The following EML4 variants were observed in gnomAD, a reference collection of about 807,000 sequenced individuals.
EML4 encodes the protein echinoderm microtubule-associated protein-like 4.
EML4 carries 72 observed loss-of-function variants against 129.0 expected under a neutral mutation model. The observed-to-expected ratio is 0.56, with a 90% confidence interval of 0.46 to 0.68. The LOEUF (loss-of-function observed/expected upper bound fraction) is 0.68. Ranked by LOEUF, EML4 falls within the 30% of genes least tolerant of loss-of-function variation. The pLI, the probability that EML4 is intolerant of heterozygous loss-of-function variation, is 0.00. For missense variants in EML4, 1,363 were observed against 1,190.6 expected, an observed-to-expected ratio of 1.14 and a Z score of -2.13; for synonymous variants, 532 against 405.0, an observed-to-expected ratio of 1.31 and a Z score of -3.77.
chr2:42,323,718 C>T (rs956834257), intron 19 of EML4, among the ~76,000 whole-genome samples: 3 of 148,874 alleles, frequency 2.0e-5, no homozygotes, highest in African/African-American at 7.4e-5. Flanking sequence ...TGGATAACTT[C>T]AGGTCAGGAA....
intron 2 of EML4, among the ~76,000 whole-genome samples, chr2:42,254,052 CAT>C (rs1166238257): frequency 1.3e-5 from 2 of 152,196 alleles, no homozygotes; most frequent in African/African-American, 2.4e-5. Flanking sequence ...TTGAAGAACT[CAT>C]ATGCCTCAGT....
At chr2:42,187,889 T>C (rs927590041) in intron 1 of EML4, among the ~76,000 whole-genome samples, 10 of 152,204 alleles carry the variant, frequency 6.6e-5, no homozygotes, top group African/African-American at 2.2e-4. Context: ...TTTTGTAGTT[T>C]ATACTTTTTG....
At chr2:42,180,478 G>A (rs1376985647) in intron 1 of EML4, among the ~76,000 whole-genome samples, 1 of 152,134 alleles carries the variant, frequency 6.6e-6, no homozygotes, top group Non-Finnish European at 1.5e-5. Flanking sequence ...GTGCTAAGTG[G>A]TGTGCCAGGT....
chr2:42,179,721 G>C (rs1040602511), intron 1 of EML4, among the ~76,000 whole-genome samples: 6 of 152,184 alleles, frequency 3.9e-5, no homozygotes, highest in African/African-American at 1.4e-4. Context: ...TCCTGCCTCA[G>C]CCTCCCGAGT....
At chr2:42,324,469 A>G (rs1669683802) in intron 19 of EML4, among the ~76,000 whole-genome samples, 1 of 152,112 alleles carries the variant, frequency 6.6e-6, no homozygotes, top group Non-Finnish European at 1.5e-5. Context: ...TACAAAAATT[A>G]GCTGGGAGTG....
In EML4 at chr2:42,328,951, G is replaced by T; in HGVS notation, c.2407G>T (p.Val803Leu). 1 of 1,613,612 alleles carries T rather than the reference G, an allele frequency of 6.2e-7. No homozygotes were observed. Among genetic ancestry groups the T allele is most frequent in the Non-Finnish European group, 8.5e-7 (1 of 1,179,896 alleles). ...ACTGGTGCGATCCCACAATAGAAAG[G>T]TGATAGCTGTTGCCGATGACTTTTG... ...NALVRSHNRK[V>L]IAVADDFCKV... The change falls in exon 22 of 23, where the codon GTG (valine) becomes TTG (leucine). Residue 803 changes from valine (V) to leucine (L), a missense_variant. Transcript: ENST00000318522.
chr2:42,271,712 T>C (rs1024618162), intron 6 of EML4, among the ~76,000 whole-genome samples: 1 of 150,380 alleles, frequency 6.6e-6, no homozygotes, highest in African/African-American at 2.5e-5. Flanking sequence ...ACACATACTT[T>C]TTAAAAAAAT....
intron 2 of EML4, among the ~76,000 whole-genome samples, chr2:42,255,268 G>A (rs761908848): frequency 1.3e-5 from 2 of 151,750 alleles, no homozygotes; most frequent in Non-Finnish European, 1.5e-5. Context: ...TGTATTTTTA[G>A]TAGATACAGG....
intron 1 of EML4, among the ~76,000 whole-genome samples, chr2:42,176,983 G>A (rs959013346): frequency 2.6e-5 from 4 of 151,900 alleles, no homozygotes; most frequent in South Asian, 2.1e-4. Context: ...TAGTAGAGAC[G>A]GGTTTCACCA....
chr2:42,288,283 A>G lies in EML4; in HGVS notation c.1179A>G (p.Val393=), dbSNP rs148340471. The G allele has an allele frequency of 1.9e-6, 3 of 1,577,456 alleles. No homozygotes were observed. The highest frequency in any genetic ancestry group is 1.3e-5 in the African/African-American group (1 of 74,180). The change falls in exon 11 of 23, where the codon GTA becomes GTG. Residue 393 remains valine (V), a synonymous_variant. Coordinates refer to ENST00000318522, the MANE Select transcript of EML4 (RefSeq NM_019063.5). ...IDDSNEHMLT[V]WDWQKKAKGA... Reference sequence around the variant, plus strand: ...ACTCCAATGAGCATATGCTTACTGTATGGGACTGGCAGAAGAAAGCAAAAG... The same window carrying G: ...ACTCCAATGAGCATATGCTTACTGTGTGGGACTGGCAGAAGAAAGCAAAAG...
chr2:42,211,037 T>TA (rs1025746648), intron 1 of EML4, among the ~76,000 whole-genome samples: 2 of 152,204 alleles, frequency 1.3e-5, no homozygotes, highest in African/African-American at 4.8e-5. Flanking sequence ...TTCTGTCTCT[T>TA]ACACACTTCA....
At chr2:42,298,054 T>G (rs1255831093) in intron 13 of EML4, among the ~76,000 whole-genome samples, 2 of 152,198 alleles carry the variant, frequency 1.3e-5, no homozygotes, top group Non-Finnish European at 2.9e-5. Flanking sequence ...AAATAATTTG[T>G]AATCTTTTAA....
intron 19 of EML4, among the ~76,000 whole-genome samples, chr2:42,318,200 C>T (rs2374407): frequency 0.6 from 91,152 of 152,068 alleles, 28,735 homozygotes; most frequent in African/African-American, 0.79. Flanking sequence ...CAGTGTAGCA[C>T]AGTGGTTAAG....
chr2:42,203,616 T>C (rs781143649), intron 1 of EML4, among the ~76,000 whole-genome samples: 10 of 150,668 alleles, frequency 6.6e-5, no homozygotes, highest in Non-Finnish European at 1.5e-4. Flanking sequence ...TATATACTTA[T>C]TTTTTCAGAC....
intron 1 of EML4, among the ~76,000 whole-genome samples, chr2:42,214,697 G>A (rs1349128887): frequency 1.3e-5 from 2 of 152,086 alleles, no homozygotes; most frequent in Admixed American, 6.5e-5. Flanking sequence ...CTGGAGGGTC[G>A]TACCTTTTGC....
chr2:42,240,787 G>A (rs562926778), intron 1 of EML4, among the ~76,000 whole-genome samples: 2 of 152,160 alleles, frequency 1.3e-5, no homozygotes, highest in Non-Finnish European at 2.9e-5. Flanking sequence ...CAAGCCTGAT[G>A]TAAGTACCAG....
intron 20 of EML4, 126 bp downstream of exon 20, chr2:42,325,680 A>T (rs2103832376): frequency 4.2e-6 from 1 of 236,358 alleles, no homozygotes; most frequent in South Asian, 1.6e-4. Flanking sequence ...AACAGGCTGC[A>T]TGGAATCTGA....
chr2:42,317,222 G>C (rs1357152110), intron 18 of EML4, among the ~76,000 whole-genome samples: 1 of 152,154 alleles, frequency 6.6e-6, no homozygotes, highest in East Asian at 1.9e-4. Context: ...TAGAGTCCAA[G>C]GCCTGTAAGC....
Position 42,301,399 on chromosome 2 carries a change from A to G in EML4, c.1641+7A>G, listed in dbSNP as rs772102780. 1.6e-5 allele frequency: 25 copies of G among 1,602,690 alleles called. No homozygotes were observed. Among genetic ancestry groups the G allele is most frequent in the Non-Finnish European group, 2.0e-5 (24 of 1,175,102 alleles). Reference sequence around the variant, plus strand: ...TCCTGAAAGAGAAATAGAGGTAAGGATGGAAACGGAATATAAAAATATTAA... The same window carrying G: ...TCCTGAAAGAGAAATAGAGGTAAGGGTGGAAACGGAATATAAAAATATTAA... On this transcript the variant is annotated splice_region_variant and intron_variant, in intron 14 of 22. Transcript: ENST00000318522.
Sources: gnomAD v4.1 joint callset for allele counts (sites outside exome capture counted in the v4.1 genomes callset) on GRCh38, gnomAD v4.1.1 for gene constraint, MANE v1.5 for transcripts, NCBI Gene and HGNC (gene_info 2026-07-23, HGNC 2026-07-21) for gene names.